The following ABR variants were observed in gnomAD, a reference collection of about 807,000 sequenced individuals.
The protein encoded by ABR is active breakpoint cluster region-related protein.
A neutral mutation model predicts 107.2 loss-of-function variants in ABR; 35 were observed. That is an observed-to-expected ratio of 0.33 (90% CI 0.25 to 0.43). The LOEUF (loss-of-function observed/expected upper bound fraction) is 0.43, where lower values mean the gene tolerates loss of function less well. ABR is among the 20% of genes least tolerant of loss of function. ABR has a pLI of 1.00. For synonymous variants in ABR, 498 were observed against 462.0 expected (o/e 1.08, Z -1.00); for missense variants, 815 against 1,115.2 (o/e 0.73, Z 3.83).
In ABR at chr17:1,010,919, A is replaced by G; in HGVS notation, c.2102-56T>C. On this transcript the variant is annotated intron_variant, in intron 19 of 22. Coordinates refer to ENST00000302538, the MANE Select transcript of ABR (RefSeq NM_021962.5). This position sits in a 1 kb window ranked among gnomAD's most constrained non-coding sequence, Gnocchi z 4.1. The stretch of plus-strand genomic sequence containing the variant: ...TTAGCTGGGCCAGCAGCCCCGTTCC[A>G]CCCCCGACCCATCCTGACACAGCCC... The G allele has an allele frequency of 1.2e-6, 2 of 1,600,760 alleles. No homozygotes were observed. The highest frequency in any genetic ancestry group is 1.7e-6 in the Non-Finnish European group (2 of 1,175,692).
At chr17:1,123,157 C>T (rs1322136123) in intron 2 of ABR, among the ~76,000 whole-genome samples, 1 of 151,804 alleles carries the variant, frequency 6.6e-6, no homozygotes, top group Non-Finnish European at 1.5e-5. Context: ...GCCGGTGACC[C>T]AGCAGAAAGG....
At position 1,132,273 on chromosome 17, in the gene ABR, C is replaced by A. The variant is rs1381701693; in HGVS notation, c.62-6906G>T. Among the ~76,000 whole-genome samples, 6 of 152,164 alleles carry A rather than the reference C, an allele frequency of 3.9e-5. No homozygotes were observed. The East Asian group carries it at 9.7e-4, about 25-fold the overall frequency. On this transcript the variant is annotated intron_variant, in intron 1 of 22. Transcript: ENST00000302538. ...TATACCTCTCCTTACCCCTTGTCCA[C>A]CTGGTGAAATCCTGTTTTGCCCTCA... is the stretch of plus-strand genomic sequence containing the variant.
chr17:1,088,149 G>A (rs1224246851), intron 4 of ABR, among the ~76,000 whole-genome samples: 2 of 152,186 alleles, frequency 1.3e-5, no homozygotes, highest in East Asian at 1.9e-4. Flanking sequence ...ACGATGCTGG[G>A]GAGGGAAAGT....
chr17:1,124,033 C>T (rs1223345783), intron 2 of ABR, among the ~76,000 whole-genome samples: 4 of 152,200 alleles, frequency 2.6e-5, no homozygotes, highest in African/African-American at 9.7e-5. Context: ...CTAAACTCGG[C>T]CTCGGCCTCT....
intron 2 of ABR, among the ~76,000 whole-genome samples, chr17:1,118,464 T>A (rs1213248151): frequency 8.6e-5 from 3 of 34,970 alleles, no homozygotes; most frequent in Non-Finnish European, 1.8e-4. Context: ...CCCAGCGTTA[T>A]CCCTGAGCCT....
At chr17:1,130,149 G>A (rs1273113304) in intron 1 of ABR, among the ~76,000 whole-genome samples, 3 of 152,100 alleles carry the variant, frequency 2.0e-5, no homozygotes, top group Non-Finnish European at 4.4e-5. Context: ...TGGTGGTGGT[G>A]GCAGGGACTG....
At chr17:1,047,077 G>A (rs1394078255) in intron 16 of ABR, among the ~76,000 whole-genome samples, 3 of 152,206 alleles carry the variant, frequency 2.0e-5, no homozygotes. Flanking sequence ...AGGCCGTAGG[G>A]CCCCTTGCTT....
At chr17:1,060,494 T>G (rs1314985508) in intron 10 of ABR, among the ~76,000 whole-genome samples, 1 of 152,114 alleles carries the variant, frequency 6.6e-6, no homozygotes, top group Non-Finnish European at 1.5e-5. Context: ...AAACAGCACG[T>G]GTAGTCTAGT....
At position 1,124,716 on chromosome 17, in the gene ABR, G is replaced by A. The variant is rs2039511607; in HGVS notation, c.246+467C>T. Among the ~76,000 whole-genome samples the A allele has an allele frequency of 2.0e-5, 3 of 152,244 alleles. No homozygotes were observed. In the South Asian group the frequency reaches 6.2e-4, roughly 32 times the overall value. ...TTGTTCCCTTCCAGAGTGAACAGAG[G>A]AGGGCTGGAGCGGGCAGCTCATTGC... is the stretch of plus-strand genomic sequence containing the variant. On this transcript the variant is annotated intron_variant, in intron 2 of 22. Coordinates refer to ENST00000302538, the MANE Select transcript of ABR (RefSeq NM_021962.5).
intron 6 of ABR, among the ~76,000 whole-genome samples, chr17:1,073,885 G>C (rs2035465801): frequency 6.6e-6 from 1 of 152,016 alleles, no homozygotes; most frequent in Admixed American, 6.6e-5. Context: ...AGCCCTGGCA[G>C]CCCCTGCTCC....
chr17:1,175,706 C>G (rs1259813642), intron 1 of ABR, among the ~76,000 whole-genome samples: 1 of 152,180 alleles, frequency 6.6e-6, no homozygotes, highest in Non-Finnish European at 1.5e-5. Flanking sequence ...TGCTGCCCAA[C>G]CCTCATCAAA....
intron 1 of ABR, among the ~76,000 whole-genome samples, chr17:1,126,859 G>C (rs1222780498): frequency 6.6e-6 from 1 of 152,210 alleles, no homozygotes; most frequent in East Asian, 1.9e-4. Context: ...CAGGCTCTCG[G>C]GGAAAGTGCG....
rs547013553 is a variant in ABR at position 1,087,436 on chromosome 17, G to T, written c.532-3809C>A. ...CGGGGGGCATCTGGAAAAGCCAGAG[G>T]GGAGCGCGAGTGGGGACGCCCGGCG... On this transcript the variant is annotated intron_variant, in intron 4 of 22. Transcript: ENST00000302538. Among the ~76,000 whole-genome samples, 17 of 152,336 alleles carry T rather than the reference G, an allele frequency of 1.1e-4. No homozygotes were observed. The South Asian group carries it at 3.5e-3, about 32-fold the overall frequency.
intron 1 of ABR, chr17:1,228,747 G>A (rs1032172115): frequency 6.6e-6 from 1 of 151,926 alleles, no homozygotes; most frequent in Non-Finnish European, 1.5e-5. Flanking sequence ...AGCCCGGGGT[G>A]GGGGGCGCGC....
intron 10 of ABR, among the ~76,000 whole-genome samples, 174 bp from the exon 11 acceptor site, chr17:1,059,041 C>G (rs1197426663): frequency 3.9e-5 from 6 of 152,170 alleles, no homozygotes; most frequent in Admixed American, 2.6e-4. Flanking sequence ...ACTGCTCCCC[C>G]ACAGGGCTCA....
chr17:1,067,245 GCAAACGAGCCAGAGGGAGCCATGAGC>G lies in ABR; in HGVS notation c.1017-29_1017-4del. On this transcript the variant is annotated splice_region_variant and splice_polypyrimidine_tract_variant and intron_variant, in intron 9 of 22. Transcript: ENST00000302538. The stretch of plus-strand genomic sequence containing the variant: ...TACAGTCATACTGCTGGTGCTTCCT[GCAAACGAGCCAGAGGGAGCCATGAGC>G]CAGAGGGAGCCTGGCTCTTCCAGCC... 6.3e-7 allele frequency: 1 copy of G among 1,576,350 alleles called. No homozygotes were observed. The highest frequency in any genetic ancestry group is 8.6e-7 in the Non-Finnish European group (1 of 1,162,974).
In ABR at chr17:1,012,105, C is replaced by T. The variant is rs190955443; in HGVS notation, c.1962-120G>A. 1.4e-3 allele frequency: 2,108 copies of T among 1,518,120 alleles called. 16 individuals are homozygous for T. Among genetic ancestry groups the T allele is most frequent in the East Asian group, 0.011 (467 of 43,474 alleles). 94.0% of individuals were successfully genotyped at this position (1,518,120 alleles called of 1,614,324 possible). A position where few individuals can be genotyped will look rare whatever the true frequency, so the allele number is the denominator to read the frequency against. The stretch of plus-strand genomic sequence containing the variant: ...TAGCATTTGGGATGGAGAGCTGGGG[C>T]GGGGGCAGGGGCAGGGCAGAGAAAG... On this transcript the variant is annotated intron_variant, in intron 18 of 22. Transcript: ENST00000302538.
chr17:1,159,654 A>G (rs1046597384), intron 1 of ABR, among the ~76,000 whole-genome samples: 6 of 97,650 alleles, frequency 6.1e-5, no homozygotes, highest in South Asian at 3.2e-4. Flanking sequence ...CGGTACTCAC[A>G]CACAGGAGAA....
chr17:1,138,408 T>C (rs117696162), intron 1 of ABR, among the ~76,000 whole-genome samples: 4 of 152,144 alleles, frequency 2.6e-5, no homozygotes, highest in East Asian at 1.9e-4. Flanking sequence ...AGCAGACATA[T>C]GGAAATATTC....
Sources: allele counts gnomAD v4.1 joint callset (sites outside exome capture counted in the v4.1 genomes callset), GRCh38; gene constraint gnomAD v4.1.1; non-coding constraint Gnocchi (gnomAD v3.1); transcripts MANE v1.5; gene names NCBI Gene and HGNC (gene_info 2026-07-23, HGNC 2026-07-21).